The following CSPP1 variants were observed in gnomAD, a reference collection of about 807,000 sequenced individuals.
CSPP1 encodes the protein centrosome and spindle pole associated protein 1, also known as centrosome and spindle pole-associated protein 1.
CSPP1 carries 126 observed loss-of-function variants against 164.4 expected under a neutral mutation model. The observed-to-expected ratio is 0.77, with a 90% confidence interval of 0.66 to 0.89. The LOEUF (loss-of-function observed/expected upper bound fraction) is 0.89. CSPP1 is among the 40% of genes least tolerant of loss of function. CSPP1 has a pLI of 0.00. For synonymous variants in CSPP1, 472 were observed against 476.7 expected (o/e 0.99, Z 0.13); for missense variants, 1,395 against 1,449.8 (o/e 0.96, Z 0.61).
intron 19 of CSPP1, among the ~76,000 whole-genome samples, chr8:67,155,440 T>C (rs905188324): frequency 6.6e-6 from 1 of 152,242 alleles, no homozygotes; most frequent in Non-Finnish European, 1.5e-5. Flanking sequence ...ATCTTCTTTT[T>C]AATCCTAATT....
At chr8:67,089,435 A>T (rs1204259830) in intron 4 of CSPP1, among the ~76,000 whole-genome samples, 1 of 152,204 alleles carries the variant, frequency 6.6e-6, no homozygotes, top group Non-Finnish European at 1.5e-5. Flanking sequence ...TCTACCTGAT[A>T]TCTTATGTAG....
At chr8:67,069,020 T>A (rs1806160583) in intron 1 of CSPP1, 1 of 152,264 alleles carries the variant, frequency 6.6e-6, no homozygotes, top group Non-Finnish European at 1.5e-5. Context: ...TGTTCAATCC[T>A]GAGCAAAGCT....
intron 1 of CSPP1, among the ~76,000 whole-genome samples, chr8:67,070,819 G>A (rs1806621679): frequency 1.3e-5 from 2 of 151,150 alleles, no homozygotes; most frequent in South Asian, 4.2e-4. Flanking sequence ...ATGCTCATAA[G>A]CTCACTGTAG....
At chr8:67,179,234 G>C (rs1481906834) in intron 27 of CSPP1, among the ~76,000 whole-genome samples, 1 of 152,040 alleles carries the variant, frequency 6.6e-6, no homozygotes, top group African/African-American at 2.4e-5. Flanking sequence ...ATTATAATAA[G>C]CCCAATCTTA....
At chr8:67,168,510 A>G (rs114166763) in intron 24 of CSPP1, among the ~76,000 whole-genome samples, 322 of 152,352 alleles carry the variant, frequency 2.1e-3, no homozygotes, top group African/African-American at 7.5e-3. Flanking sequence ...CTAGTGAAGA[A>G]TAAATAAATG....
chr8:67,064,746 G>A (rs1448034437), intron 1 of CSPP1: 9 of 507,440 alleles, frequency 1.8e-5, no homozygotes, highest in Non-Finnish European at 2.8e-5. Context: ...GGGTGCGGTG[G>A]GGGAGGTGCC....
chr8:67,162,671 C>T (rs184418177), intron 22 of CSPP1, among the ~76,000 whole-genome samples: 4 of 151,970 alleles, frequency 2.6e-5, no homozygotes, highest in African/African-American at 7.2e-5. Flanking sequence ...GGAGGTGGGG[C>T]AAGACTAAAC....
At chr8:67,177,856 A>C in intron 27 of CSPP1, 130 bp downstream of exon 27, 1 of 734,182 alleles carries the variant, frequency 1.4e-6, no homozygotes, top group Non-Finnish European at 2.5e-6. Context: ...TCTTATCAGT[A>C]AAGTGGATAG....
At chr8:67,090,259 C>G (rs1223364148) in intron 4 of CSPP1, among the ~76,000 whole-genome samples, 1 of 152,120 alleles carries the variant, frequency 6.6e-6, no homozygotes. Flanking sequence ...TAGCACAACT[C>G]ATTTGTAAAT....
chr8:67,154,155 A>C lies in CSPP1; in HGVS notation c.2241+19A>C, dbSNP rs766935040. 31 of 1,104,028 alleles carry C rather than the reference A, an allele frequency of 2.8e-5. No homozygotes were observed. Among genetic ancestry groups the C allele is most frequent in the Non-Finnish European group, 4.3e-5 (31 of 726,082 alleles). The allele number at this position is 1,104,028 out of a possible 1,614,324, so 68.4% of individuals were successfully genotyped here. ...TTTCCAGGTGAAATGCTATTTGATC[A>C]GTTTCAAAGTTTCATGAGATTTTAA... On this transcript the variant is annotated intron_variant, in intron 19 of 30. Transcript: ENST00000678616.
At position 67,076,462 on chromosome 8, in the gene CSPP1, A is replaced by G; in HGVS notation, c.100-20A>G. ...GTTTTTTTTTTCCTCTTGCTTTTGT[A>G]AACATTATGTCTCTTTCAGGGAAAG... On this transcript the variant is annotated intron_variant, in intron 2 of 30. Transcript: ENST00000678616. 1 of 1,433,350 alleles carries G rather than the reference A, an allele frequency of 7.0e-7. No homozygotes were observed. The highest frequency in any genetic ancestry group is 2.4e-5 in the East Asian group (1 of 42,424). 88.8% of individuals were successfully genotyped at this position (1,433,350 alleles called of 1,614,324 possible). A position where few individuals can be genotyped will look rare whatever the true frequency, so the allele number is the denominator to read the frequency against.
chr8:67,131,988 G>A lies in CSPP1; in HGVS notation c.1735G>A (p.Asp579Asn). Residue 579 changes from aspartate (D) to asparagine (N), a missense_variant, in exon 16 of 31, where the codon GAT becomes AAT. Transcript: ENST00000678616. ...VGQNELKITS[D>N]QVINSGLIFE... Reference sequence around the variant, plus strand: ...ACAGAATGAACTGAAGATTACAAGTGATCAAGTGATAAATTCAGGATTGAT... The same window carrying A: ...ACAGAATGAACTGAAGATTACAAGTAATCAAGTGATAAATTCAGGATTGAT... 1 of 1,613,316 alleles carries A rather than the reference G, an allele frequency of 6.2e-7. No homozygotes were observed. The highest frequency in any genetic ancestry group is 8.5e-7 in the Non-Finnish European group (1 of 1,179,404).
At chr8:67,131,668 G>A (rs1259083699) in intron 15 of CSPP1, among the ~76,000 whole-genome samples, 2 of 152,184 alleles carry the variant, frequency 1.3e-5, no homozygotes, top group Non-Finnish European at 2.9e-5. Flanking sequence ...TAAGTCATAT[G>A]TGTACTGTTC....
At chr8:67,132,151 G>A in intron 16 of CSPP1, 71 bp downstream of exon 16, 3 of 1,435,022 alleles carry the variant, frequency 2.1e-6, no homozygotes, top group Non-Finnish European at 2.8e-6. Flanking sequence ...AGAGCTCAGA[G>A]TGTGGCCGGG....
intron 29 of CSPP1, among the ~76,000 whole-genome samples, chr8:67,192,804 G>A (rs1227926866): frequency 2.6e-5 from 4 of 152,126 alleles, no homozygotes; most frequent in Admixed American, 6.5e-5. Context: ...GTCCATAAAC[G>A]TAAGGATTTA....
At chr8:67,175,984 C>A (rs1217998569) in intron 26 of CSPP1, among the ~76,000 whole-genome samples, 1 of 151,680 alleles carries the variant, frequency 6.6e-6, no homozygotes, top group Admixed American at 6.6e-5. Flanking sequence ...GTGACATATG[C>A]TGCTGCTCTT....
chr8:67,065,056 C>G (rs1056664988), intron 1 of CSPP1: 2 of 153,802 alleles, frequency 1.3e-5, no homozygotes, highest in Non-Finnish European at 2.9e-5. Context: ...CCCCCCTGCT[C>G]CGTCAAGCCT....
At chr8:67,138,364 G>A (rs1490149138) in intron 17 of CSPP1, among the ~76,000 whole-genome samples, 5 of 152,132 alleles carry the variant, frequency 3.3e-5, no homozygotes, top group Non-Finnish European at 7.4e-5. Flanking sequence ...TAGATTACTT[G>A]TAATACCTAA....
intron 21 of CSPP1, among the ~76,000 whole-genome samples, chr8:67,159,914 TTCTTTC>T (rs1453482759): frequency 1.6e-5 from 1 of 62,966 alleles, no homozygotes; most frequent in African/African-American, 6.7e-5. Flanking sequence ...CTTTCTTTCT[TTCTTTC>T]TTTCCTTTCC....
Sources: allele counts gnomAD v4.1 joint callset (sites outside exome capture counted in the v4.1 genomes callset), GRCh38; gene constraint gnomAD v4.1.1; transcripts MANE v1.5; gene names NCBI Gene and HGNC (gene_info 2026-07-23, HGNC 2026-07-21).